The following RNF125 variants were observed in gnomAD, a reference collection of about 807,000 sequenced individuals.
RNF125 encodes ring finger protein 125, also known as E3 ubiquitin-protein ligase RNF125.
Under a neutral mutation model 26.0 loss-of-function variants are expected in RNF125, and 21 were observed. The ratio of observed to expected loss-of-function variants is 0.81; its 90% CI spans 0.57 to 1.16. The LOEUF is 1.16. Ranked by LOEUF, RNF125 falls within the 50% of genes most tolerant of loss-of-function variation. RNF125 has a pLI of 0.00. For synonymous variants in RNF125, 95 were observed against 109.2 expected (o/e 0.87, Z 0.81); for missense variants, 270 against 299.4 (o/e 0.90, Z 0.72).
chr18:32,040,269 C>CTTT lies in RNF125; in HGVS notation c.319-1892_319-1890dup, dbSNP rs1185186501. Reference sequence around the variant, plus strand: ...GTTCCCTATATCAAACAATTTCTTTCTTTTTTTTTTTTTTTTTTTTGAGAC... The same window carrying CTTT: ...GTTCCCTATATCAAACAATTTCTTTCTTTTTTTTTTTTTTTTTTTTTTTGAGAC... On this transcript the variant is annotated intron_variant, in intron 2 of 5. Coordinates refer to ENST00000217740, the MANE Select transcript of RNF125 (RefSeq NM_017831.4). 9.4e-3 allele frequency among the ~76,000 whole-genome samples: 977 copies of CTTT among 104,464 alleles called. 39 individuals are homozygous for CTTT. Among genetic ancestry groups the CTTT allele is most frequent in the African/African-American group, 0.032 (848 of 26,348 alleles). 68.5% of individuals were successfully genotyped at this position (104,464 alleles called of 152,430 possible).
downstream of RNF125, among the ~76,000 whole-genome samples, chr18:32,074,763 G>A (rs545347959): frequency 2.0e-4 from 31 of 152,180 alleles, no homozygotes; most frequent in South Asian, 6.4e-3. Flanking sequence ...GGCTGGTCTC[G>A]AACTCCTGAC....
chr18:32,026,699 G>A (rs1055601054), intron 1 of RNF125, among the ~76,000 whole-genome samples: 4 of 152,136 alleles, frequency 2.6e-5, no homozygotes, highest in Admixed American at 6.6e-5. Context: ...CTCTGGCCCC[G>A]TAGAGGAAGC....
At chr18:32,022,078 T>C (rs1355810108) in intron 1 of RNF125, among the ~76,000 whole-genome samples, 1 of 152,244 alleles carries the variant, frequency 6.6e-6, no homozygotes, top group Non-Finnish European at 1.5e-5. Context: ...TTGTACATTC[T>C]AAATGAATTA....
chr18:32,022,360 C>G (rs2144426803), intron 1 of RNF125, among the ~76,000 whole-genome samples: 1 of 152,302 alleles, frequency 6.6e-6, no homozygotes, highest in African/African-American at 2.4e-5. Flanking sequence ...TGCCACTAGC[C>G]AGATGTGTGA....
chr18:32,045,727 C>A lies in RNF125; in HGVS notation c.499C>A (p.Pro167Thr). ...TACTCATCACAGATCGGAACGGAGG[C>A]CTGTGGTAAGGATTTTTGTTACATG... ...CITHHRSERR[P>T]VFCPLCRLIP... is the part of the protein sequence containing the mutation. The change falls in exon 4 of 6, where the codon CCT (proline) becomes ACT (threonine). Residue 167 changes from proline to threonine, a missense_variant. Coordinates refer to ENST00000217740, the MANE Select transcript of RNF125 (RefSeq NM_017831.4). 2.5e-6 allele frequency: 4 copies of A among 1,608,460 alleles called. No individual in the cohort carries two copies. Among genetic ancestry groups the A allele is most frequent in the Non-Finnish European group, 3.4e-6 (4 of 1,176,350 alleles).
Position 32,018,942 on chromosome 18 carries a change from G to C in RNF125, c.79G>C (p.Asp27His), listed in dbSNP as rs552716355. 2 of 1,613,382 alleles carry C rather than the reference G, an allele frequency of 1.2e-6. No individual in the cohort carries two copies. Among genetic ancestry groups the C allele is most frequent in the Admixed American group, 3.3e-5 (2 of 59,926 alleles). ...ATARALERRR[D>H]PELPVTSFDC... ...CGCGCGGGCCCTGGAGCGCAGGAGGGACCCGGAGTTGCCCGTCACGTCCTT... is the reference window on the plus strand; with the variant it reads ...CGCGCGGGCCCTGGAGCGCAGGAGGCACCCGGAGTTGCCCGTCACGTCCTT... The change falls in exon 1 of 6, where the codon GAC (aspartate) becomes CAC (histidine). Residue 27 changes from aspartate to histidine, a missense_variant. Asp to His is a moderately conservative substitution (Grantham distance 81). Transcript: ENST00000217740.
chr18:32,043,989 T>C (rs1468430285), intron 3 of RNF125, among the ~76,000 whole-genome samples: 2 of 151,352 alleles, frequency 1.3e-5, no homozygotes, highest in Non-Finnish European at 2.9e-5. Flanking sequence ...AGAAATATAA[T>C]GGGTTTTTTT....
chr18:32,045,627 C>T lies in RNF125; in HGVS notation c.414-15C>T. On this transcript the variant is annotated splice_polypyrimidine_tract_variant and intron_variant, in intron 3 of 5. Coordinates refer to ENST00000217740, the MANE Select transcript of RNF125 (RefSeq NM_017831.4). ...CAACCATTTTAATATTATTTGTATT[C>T]TGTGCTATTTCCAGGTGTGTATGTC... 6.5e-7 allele frequency: 1 copy of T among 1,544,712 alleles called. No individual in the cohort carries two copies. Among genetic ancestry groups the T allele is most frequent in the Non-Finnish European group, 8.9e-7 (1 of 1,129,596 alleles).
intron 1 of RNF125, among the ~76,000 whole-genome samples, chr18:32,021,915 C>T (rs2038990252): frequency 6.6e-6 from 1 of 152,152 alleles, no homozygotes; most frequent in Admixed American, 6.6e-5. Context: ...CCTCTCTTTA[C>T]TGTTCTTTGT....
At chr18:32,022,202 C>T (rs966853616) in intron 1 of RNF125, among the ~76,000 whole-genome samples, 1 of 152,216 alleles carries the variant, frequency 6.6e-6, no homozygotes. Context: ...GTGGTTTATG[C>T]TGATTTTTGT....
chr18:32,046,233 AAAAAG>A (rs1361058296), intron 4 of RNF125, among the ~76,000 whole-genome samples: 2 of 148,564 alleles, frequency 1.3e-5, no homozygotes, highest in Non-Finnish European at 3.0e-5. Context: ...AAAAAAAAAA[AAAAAG>A]AGAAAGAGAG....
At chr18:32,043,959 T>A (rs1162240443) in intron 3 of RNF125, among the ~76,000 whole-genome samples, 2 of 151,878 alleles carry the variant, frequency 1.3e-5, no homozygotes, top group East Asian at 3.9e-4. Context: ...CCCTAAGAAC[T>A]TAAGGCAGTG....
At chr18:32,019,702 TG>T (rs1447183929) in intron 1 of RNF125, among the ~76,000 whole-genome samples, 1 of 151,840 alleles carries the variant, frequency 6.6e-6, no homozygotes, top group African/African-American at 2.4e-5. Context: ...CCTGCTAGGG[TG>T]GGGCTTGGAC....
chr18:32,081,518 C>T, the RNF125 span, among the ~76,000 whole-genome samples: 1 of 152,008 alleles, frequency 6.6e-6, no homozygotes, highest in Admixed American at 6.6e-5. Context: ...TGCTTGTTTC[C>T]CCCACCATTT....
chr18:32,045,436 G>A (rs2039259785), intron 3 of RNF125, among the ~76,000 whole-genome samples: 1 of 151,288 alleles, frequency 6.6e-6, no homozygotes, highest in Admixed American at 6.6e-5. Context: ...GTGGGGGCTT[G>A]TAATCCCTGC....
chr18:32,028,871 G>A (rs992835122), intron 1 of RNF125, among the ~76,000 whole-genome samples: 2 of 151,968 alleles, frequency 1.3e-5, no homozygotes, highest in Non-Finnish European at 2.9e-5. Flanking sequence ...TTACCACTAA[G>A]TTGCTTAATC....
At chr18:32,056,258 A>T (rs1167562919) in intron 4 of RNF125, among the ~76,000 whole-genome samples, 1 of 152,070 alleles carries the variant, frequency 6.6e-6, no homozygotes, top group African/African-American at 2.4e-5. Flanking sequence ...CTCCTCGTAA[A>T]TCTAGACTGT....
intron 1 of RNF125, among the ~76,000 whole-genome samples, chr18:32,029,085 G>C (rs1889386923): frequency 6.6e-6 from 1 of 152,108 alleles, no homozygotes; most frequent in South Asian, 2.1e-4. Context: ...ATGAAAAGTT[G>C]ATCTATGACA....
chr18:32,087,828 T>C, the RNF125 span, among the ~76,000 whole-genome samples: 3 of 152,200 alleles, frequency 2.0e-5, no homozygotes, highest in Non-Finnish European at 4.4e-5. Flanking sequence ...CATAGTATTC[T>C]TGTCTTTCCC....
Sources: gnomAD v4.1 joint callset for allele counts (sites outside exome capture counted in the v4.1 genomes callset) on GRCh38, gnomAD v4.1.1 for gene constraint, MANE v1.5 for transcripts, NCBI Gene and HGNC (gene_info 2026-07-23, HGNC 2026-07-21) for gene names.